GALNT9: variants seen among roughly 807,000 people sequenced by gnomAD.
GALNT9 encodes the protein GalNAc transferase 9.
Under a neutral mutation model 63.1 loss-of-function variants are expected in GALNT9, and 47 were observed. The observed-to-expected ratio is 0.75, with a 90% CI of 0.59 to 0.95. The LOEUF is 0.95. GALNT9 is among the 40% of genes least tolerant of loss of function. GALNT9 has a pLI of 0.00. For synonymous variants in GALNT9, 396 were observed against 365.7 expected, an observed-to-expected ratio of 1.08 and a Z score of -0.94; for missense variants, 829 against 874.8, an observed-to-expected ratio of 0.95 and a Z score of 0.66.
chr12:132,318,377 G>T (rs1566023710), intron 1 of GALNT9, among the ~76,000 whole-genome samples: 1 of 152,164 alleles, frequency 6.6e-6, no homozygotes, highest in Non-Finnish European at 1.5e-5. Context: ...GAACCCACAT[G>T]GATGCCTCTC....
At chr12:132,285,720 A>G (rs1231783471) in intron 2 of GALNT9, among the ~76,000 whole-genome samples, 1 of 152,284 alleles carries the variant, frequency 6.6e-6, no homozygotes, top group East Asian at 1.9e-4. Context: ...ATGGTGCCTC[A>G]GCCCAGCTTC....
chr12:132,251,301 T>C (rs1279047222), intron 5 of GALNT9, among the ~76,000 whole-genome samples: 1 of 152,220 alleles, frequency 6.6e-6, no homozygotes, highest in African/African-American at 2.4e-5. Context: ...AAAGTTAAAA[T>C]TAAAACTGGA....
At chr12:132,324,643 T>C (rs1397772241) in intron 1 of GALNT9, among the ~76,000 whole-genome samples, 1 of 151,820 alleles carries the variant, frequency 6.6e-6, no homozygotes, top group Admixed American at 6.6e-5. Context: ...GCCCCGGCTC[T>C]TGTCAGGGAG....
intron 1 of GALNT9, among the ~76,000 whole-genome samples, chr12:132,320,594 T>C (rs1259993008): frequency 6.6e-6 from 1 of 152,258 alleles, no homozygotes; most frequent in East Asian, 1.9e-4. Flanking sequence ...GCATTGAGAG[T>C]ATGGCCAGGT....
chr12:132,263,011 C>T (rs563285340), intron 2 of GALNT9, among the ~76,000 whole-genome samples: 78 of 152,272 alleles, frequency 5.1e-4, no homozygotes, highest in African/African-American at 1.8e-3. Context: ...AGGAGATGAA[C>T]GTCCCCGTTC....
chr12:132,214,477 GTCCACGCCCCACCAGCCAACGCGAA>G (rs1293359280), intron 6 of GALNT9, among the ~76,000 whole-genome samples: 10 of 152,086 alleles, frequency 6.6e-5, no homozygotes, highest in Non-Finnish European at 1.3e-4. Context: ...GGCAACGAGA[GTCCACGCCCCACCAGCCAACGCGAA>G]TCCACAGCCC....
intron 1 of GALNT9, among the ~76,000 whole-genome samples, chr12:132,299,994 T>A (rs1180355110): frequency 7.2e-6 from 1 of 138,690 alleles, no homozygotes; most frequent in Non-Finnish European, 1.5e-5. Context: ...ACCCCTCAGA[T>A]GACCAACCCA....
intron 1 of GALNT9, among the ~76,000 whole-genome samples, chr12:132,297,087 C>T (rs1166990051): frequency 2.0e-5 from 3 of 151,902 alleles, no homozygotes; most frequent in Non-Finnish European, 2.9e-5. Context: ...AACTCACTCC[C>T]GAGATAACCA....
At chr12:132,305,145 G>A (rs1378164077) in intron 1 of GALNT9, among the ~76,000 whole-genome samples, 8 of 45,390 alleles carry the variant, frequency 1.8e-4, no homozygotes, top group Non-Finnish European at 1.9e-4. Context: ...CCTCGCCCGG[G>A]CACACCCTCG....
chr12:132,271,159 G>A (rs1381619758), intron 2 of GALNT9, among the ~76,000 whole-genome samples: 1 of 152,202 alleles, frequency 6.6e-6, no homozygotes, highest in African/African-American at 2.4e-5. Flanking sequence ...CAGTGGCCAT[G>A]TGGGGCCACA....
intron 1 of GALNT9, among the ~76,000 whole-genome samples, chr12:132,312,697 A>G (rs1210451883): frequency 2.6e-5 from 4 of 152,212 alleles, no homozygotes; most frequent in African/African-American, 9.7e-5. Context: ...GGGAGGGGAA[A>G]CTGGCCCTGC....
Position 132,247,739 on chromosome 12 carries a change from G to A in GALNT9, c.1077+171C>T, listed in dbSNP as rs55718411. 6.4e-4 allele frequency: 697 copies of A among 1,089,576 alleles called. 3 individuals are homozygous for A. The African/African-American group carries it at 0.01, about 16-fold the overall frequency. The allele number at this position is 1,089,576 out of a possible 1,614,324, so 67.5% of individuals were successfully genotyped here. ...CCGCGGCCTCACTCGCCCTCACCCC[G>A]TCCCCAGATGCCGTGGCCGCACTCG... On this transcript the variant is annotated intron_variant, in intron 6 of 10. Coordinates refer to ENST00000328957, the MANE Select transcript of GALNT9 (RefSeq NM_001122636.2).
intron 2 of GALNT9, among the ~76,000 whole-genome samples, chr12:132,272,307 C>G (rs1325416564): frequency 6.6e-6 from 1 of 152,242 alleles, no homozygotes; most frequent in African/African-American, 2.4e-5. Flanking sequence ...AGGGTCAGGG[C>G]AGGTGCTCCT....
intron 6 of GALNT9, among the ~76,000 whole-genome samples, chr12:132,215,002 C>G (rs73488308): frequency 2.4e-4 from 36 of 152,230 alleles, no homozygotes; most frequent in Admixed American, 7.2e-4. Context: ...AGTGGAGAAA[C>G]CTGCCGGCCT....
intron 5 of GALNT9, among the ~76,000 whole-genome samples, chr12:132,254,452 C>T (rs1879040174): frequency 6.6e-6 from 1 of 152,222 alleles, no homozygotes; most frequent in Non-Finnish European, 1.5e-5. Context: ...GCCTATTACT[C>T]CTGATCCTCC....
chr12:132,200,585 G>GA, intron 8 of GALNT9: 1 of 153,278 alleles, frequency 6.5e-6, no homozygotes, highest in Admixed American at 6.5e-5. Flanking sequence ...CATGCACTTA[G>GA]TGAAACATAC....
At chr12:132,224,590 C>A (rs1379863563) in intron 6 of GALNT9, among the ~76,000 whole-genome samples, 3,567 of 95,272 alleles carry the variant, frequency 0.037, 491 homozygotes, top group Non-Finnish European at 0.056. Context: ...ACACACCACA[C>A]AACCCACACC....
intron 6 of GALNT9, among the ~76,000 whole-genome samples, chr12:132,228,717 A>G (rs968294121): frequency 6.6e-6 from 1 of 152,180 alleles, no homozygotes; most frequent in African/African-American, 2.4e-5. Context: ...CCCGAGGAGC[A>G]GCATGTCCGA....
chr12:132,257,765 T>A lies in GALNT9; in HGVS notation c.883A>T (p.Asn295Tyr). The part of the protein sequence containing the change: ...QQYANAAHGY[N>Y]WGLWCMYIIP... ...ATGTACATGCACCAGAGGCCCCAGTTGTAGCCATGGGCGGCGTTCGCATAC... is the reference window on the plus strand; with the variant it reads ...ATGTACATGCACCAGAGGCCCCAGTAGTAGCCATGGGCGGCGTTCGCATAC... Residue 295 changes from asparagine to tyrosine, a missense_variant, in exon 5 of 11, where the codon AAC becomes TAC. Transcript: ENST00000328957. The A allele has an allele frequency of 6.4e-7, 1 of 1,550,546 alleles. No individual in the cohort carries two copies. Among genetic ancestry groups the A allele is most frequent in the Non-Finnish European group, 8.7e-7 (1 of 1,146,838 alleles).
Sources: gnomAD v4.1 joint callset for allele counts (sites outside exome capture counted in the v4.1 genomes callset) on GRCh38, gnomAD v4.1.1 for gene constraint, MANE v1.5 for transcripts, NCBI Gene and HGNC (gene_info 2026-07-23, HGNC 2026-07-21) for gene names.